The following SNAP47 variants were observed in gnomAD, a reference collection of about 807,000 sequenced individuals.
SNAP47 encodes the protein synaptosome associated protein 47.
A neutral mutation model predicts 31.4 loss-of-function variants in SNAP47; 20 were observed. The ratio of observed to expected loss-of-function variants is 0.64; its 90% confidence interval spans 0.45 to 0.93. SNAP47 has a LOEUF of 0.93. Among genes scored for constraint, SNAP47 ranks in the 40% least tolerant of loss-of-function variants. SNAP47 has a pLI of 0.00. For synonymous variants in SNAP47, 194 were observed against 213.4 expected, an observed-to-expected ratio of 0.91 and a Z score of 0.79; for missense variants, 492 against 528.5, an observed-to-expected ratio of 0.93 and a Z score of 0.68.
At chr1:227,760,164 T>C (rs991395300) in intron 3 of SNAP47, among the ~76,000 whole-genome samples, 2 of 152,190 alleles carry the variant, frequency 1.3e-5, no homozygotes, top group Admixed American at 1.3e-4. Context: ...GAAAGGGCTT[T>C]CAGAATGAGT....
At chr1:227,776,066 T>C (rs1664140573) in intron 4 of SNAP47, 1 of 1,187,948 alleles carries the variant, frequency 8.4e-7, no homozygotes, top group African/African-American at 1.6e-5. Flanking sequence ...TTGCGTTTCT[T>C]TGTTCAGGTT....
chr1:227,770,076 A>AT (rs1475203130), intron 4 of SNAP47, among the ~76,000 whole-genome samples: 1 of 152,186 alleles, frequency 6.6e-6, no homozygotes, highest in African/African-American at 2.4e-5. Flanking sequence ...ATAGGAACAG[A>AT]TGTGCCATGG....
intron 4 of SNAP47, among the ~76,000 whole-genome samples, chr1:227,771,677 C>T (rs992354464): frequency 2.0e-5 from 3 of 148,594 alleles, no homozygotes; most frequent in Non-Finnish European, 4.5e-5. Context: ...CCCACCCCCA[C>T]CCTCTGCTTT....
intron 1 of SNAP47, among the ~76,000 whole-genome samples, chr1:227,745,072 G>A (rs1354809270): frequency 2.0e-5 from 3 of 152,202 alleles, no homozygotes; most frequent in Non-Finnish European, 4.4e-5. Flanking sequence ...CTGAGGCAGT[G>A]GTTTCAAATG....
At chr1:227,766,255 G>T (rs957536437) in intron 3 of SNAP47, among the ~76,000 whole-genome samples, 3 of 152,248 alleles carry the variant, frequency 2.0e-5, no homozygotes, top group Non-Finnish European at 2.9e-5. Context: ...TGCACCAGAC[G>T]TAGGGGAGCT....
chr1:227,780,624 C>T lies in SNAP47; in HGVS notation c.1211C>T (p.Ala404Val). 1 of 1,614,202 alleles carries T rather than the reference C, an allele frequency of 6.2e-7. No individual in the cohort carries two copies. Among genetic ancestry groups the T allele is most frequent in the South Asian group, 1.1e-5 (1 of 91,086 alleles). The part of the protein sequence containing the change: ...LDGVAAAVDR[A>V]TLTIDKHNRR... ...GGCGTTGCAGCAGCTGTGGACAGGG[C>T]AACCTTGACCATCGACAAGCACAAC... The change falls in exon 5 of 5, where the codon GCA becomes GTA. Residue 404 changes from alanine (A) to valine (V), a missense_variant. Transcript: ENST00000617596.
intron 1 of SNAP47, among the ~76,000 whole-genome samples, chr1:227,744,412 G>A (rs947309496): frequency 6.6e-6 from 1 of 152,130 alleles, no homozygotes; most frequent in Non-Finnish European, 1.5e-5. Context: ...ATACTGGGAG[G>A]TATTTGTGGA....
At chr1:227,735,649 A>G in intron 1 of SNAP47, 150 bp downstream of exon 1, 2 of 1,311,488 alleles carry the variant, frequency 1.5e-6, no homozygotes, top group South Asian at 2.3e-5. Flanking sequence ...GCGCTGGGAG[A>G]GGGGCGGGGA....
chr1:227,763,005 G>A lies in SNAP47; in HGVS notation c.988+3520G>A, dbSNP rs1663161752. Among the ~76,000 whole-genome samples the A allele has an allele frequency of 6.6e-6, 1 of 152,072 alleles. No homozygotes were observed. The highest frequency in any genetic ancestry group is 1.5e-5 in the Non-Finnish European group (1 of 68,020). On this transcript the variant is annotated intron_variant, in intron 3 of 4. Transcript: ENST00000617596. This position sits in a 1 kb window ranked among gnomAD's most constrained non-coding sequence, Gnocchi z 4.2. Reference sequence around the variant, plus strand: ...AGGGCCTTGCCCTGTCATCCAGGCTGGAGTGCAGAGGTGCAATCATAGCTC... The same window carrying A: ...AGGGCCTTGCCCTGTCATCCAGGCTAGAGTGCAGAGGTGCAATCATAGCTC...
At chr1:227,759,985 G>A (rs114961573) in intron 3 of SNAP47, among the ~76,000 whole-genome samples, 2,877 of 152,238 alleles carry the variant, frequency 0.019, 89 homozygotes, top group African/African-American at 0.065. Flanking sequence ...GCCTGTGTCC[G>A]CTTCCCCCTT....
intron 4 of SNAP47, among the ~76,000 whole-genome samples, chr1:227,769,078 G>A (rs890072821): frequency 6.6e-6 from 1 of 152,238 alleles, no homozygotes; most frequent in African/African-American, 2.4e-5. Flanking sequence ...AAGCCCGGGA[G>A]CGTTGGGGAG....
intron 1 of SNAP47, among the ~76,000 whole-genome samples, chr1:227,745,261 C>T (rs1661886873): frequency 6.6e-6 from 1 of 152,142 alleles, no homozygotes; most frequent in South Asian, 2.1e-4. Context: ...CACAAGTGCA[C>T]CCAGGGCAAG....
chr1:227,743,693 C>G (rs993204594), intron 1 of SNAP47: 1 of 152,342 alleles, frequency 6.6e-6, no homozygotes, highest in Non-Finnish European at 1.5e-5. Context: ...CCCTGGACCT[C>G]CCTTGGTGCC....
chr1:227,734,107 C>T, upstream of SNAP47: 2 of 1,528,634 alleles, frequency 1.3e-6, no homozygotes, highest in Non-Finnish European at 1.8e-6. Flanking sequence ...AGTGGGGCAA[C>T]TGAGACCAAT....
intron 2 of SNAP47, among the ~76,000 whole-genome samples, chr1:227,749,360 C>T (rs550298300): frequency 6.6e-6 from 1 of 152,220 alleles, no homozygotes; most frequent in African/African-American, 2.4e-5. Context: ...TCCCTCTGCC[C>T]TCAGGTTCCA....
upstream of SNAP47, chr1:227,735,372 T>C: frequency 6.3e-7 from 1 of 1,590,792 alleles, no homozygotes; most frequent in Non-Finnish European, 8.5e-7. Flanking sequence ...GCGCCGCGTT[T>C]CTGCCCCGCC....
intron 4 of SNAP47, among the ~76,000 whole-genome samples, chr1:227,777,928 G>A (rs1664255842): frequency 6.6e-6 from 1 of 152,216 alleles, no homozygotes; most frequent in African/African-American, 2.4e-5. Flanking sequence ...CCGGGGGCAG[G>A]TCACCCTCTC....
At chr1:227,733,078 G>C (rs1660780575), upstream of SNAP47, 4 of 1,597,046 alleles carry the variant, frequency 2.5e-6, no homozygotes, top group East Asian at 9.0e-5. Context: ...GGTGCCCCCT[G>C]ACCAACCCAC....
At chr1:227,735,938 GTGGGGACC>G (rs1177547419) in intron 1 of SNAP47, among the ~76,000 whole-genome samples, 4 of 151,190 alleles carry the variant, frequency 2.6e-5, no homozygotes, top group African/African-American at 7.3e-5. Context: ...GATGGGTACA[GTGGGGACC>G]TGGAGAGGAC....
Sources: allele counts gnomAD v4.1 joint callset (sites outside exome capture counted in the v4.1 genomes callset), GRCh38; gene constraint gnomAD v4.1.1; non-coding constraint Gnocchi (gnomAD v3.1); transcripts MANE v1.5; gene names NCBI Gene and HGNC (gene_info 2026-07-23, HGNC 2026-07-21).